UBE2E2: variants seen among roughly 807,000 people sequenced by gnomAD.
UBE2E2 encodes the protein ubiquitin conjugating enzyme E2 E2, also known as ubiquitin-conjugating enzyme E2 E2.
A neutral mutation model predicts 24.7 loss-of-function variants in UBE2E2; 6 were observed. The observed-to-expected ratio is 0.24, with a 90% confidence interval of 0.13 to 0.48. The LOEUF (loss-of-function observed/expected upper bound fraction) is 0.48. UBE2E2 is among the 20% of genes least tolerant of loss of function. UBE2E2 has a pLI of 0.99. For missense variants in UBE2E2, 169 were observed against 245.0 expected (o/e 0.69, Z 2.07); for synonymous variants, 104 against 83.6 (o/e 1.24, Z -1.33).
intron 5 of UBE2E2, among the ~76,000 whole-genome samples, chr3:23,562,943 A>G (rs1238211634): frequency 6.6e-6 from 1 of 151,994 alleles, no homozygotes; most frequent in African/African-American, 2.4e-5. Flanking sequence ...TATTGTGTCT[A>G]TTTGATTCTT....
chr3:23,236,330 A>G (rs1371702225), intron 3 of UBE2E2, among the ~76,000 whole-genome samples: 1 of 152,116 alleles, frequency 6.6e-6, no homozygotes, highest in Non-Finnish European at 1.5e-5. Flanking sequence ...TTCTTCAGTA[A>G]TTTTGCAAGA....
intron 3 of UBE2E2, among the ~76,000 whole-genome samples, chr3:23,329,392 G>T (rs1383202457): frequency 6.6e-6 from 1 of 152,178 alleles, no homozygotes; most frequent in East Asian, 1.9e-4. Context: ...TCTGGAAACA[G>T]TTAAAAGTAA....
At chr3:23,386,041 T>A (rs537327327) in intron 3 of UBE2E2, among the ~76,000 whole-genome samples, 6 of 152,188 alleles carry the variant, frequency 3.9e-5, no homozygotes, top group Non-Finnish European at 8.8e-5. Flanking sequence ...CATTTATTAG[T>A]GTGGATCATG....
intron 3 of UBE2E2, among the ~76,000 whole-genome samples, chr3:23,390,622 G>C (rs1182557942): frequency 2.0e-5 from 3 of 152,224 alleles, no homozygotes; most frequent in Non-Finnish European, 4.4e-5. Context: ...GTTAACAGCT[G>C]TCTGCAGATG....
chr3:23,394,220 T>C (rs1697021277), intron 3 of UBE2E2, among the ~76,000 whole-genome samples: 1 of 152,210 alleles, frequency 6.6e-6, no homozygotes, highest in Admixed American at 6.5e-5. Flanking sequence ...AGATAGTAAT[T>C]TACCTGGTTC....
rs761293140 is a variant in UBE2E2, at chr3:23,589,372, G to A, written c.509-362G>A. Among the ~76,000 whole-genome samples, 8 of 151,806 alleles carry A rather than the reference G, an allele frequency of 5.3e-5. No homozygotes were observed. Among genetic ancestry groups the A allele is most frequent in the Admixed American group, 2.0e-4 (3 of 15,254 alleles). On this transcript the variant is annotated intron_variant, in intron 5 of 5. Coordinates refer to ENST00000396703, the MANE Select transcript of UBE2E2 (RefSeq NM_152653.4). The surrounding 1 kb of genome is among the most constrained non-coding windows in gnomAD (Gnocchi z 4.1). ...CAGGAGGTCAAGGCTACACTGAGCTGTGATCATGCCACTGCACTCTAGCCT... is the reference window on the plus strand; with the variant it reads ...CAGGAGGTCAAGGCTACACTGAGCTATGATCATGCCACTGCACTCTAGCCT...
chr3:23,488,937 G>A (rs1575662912), intron 3 of UBE2E2, among the ~76,000 whole-genome samples: 1 of 152,178 alleles, frequency 6.6e-6, no homozygotes, highest in Non-Finnish European at 1.5e-5. Context: ...ACATGCCCAG[G>A]ATGAAAAGGT....
intron 5 of UBE2E2, among the ~76,000 whole-genome samples, chr3:23,567,192 G>A (rs1696095802): frequency 6.6e-6 from 1 of 152,180 alleles, no homozygotes; most frequent in Non-Finnish European, 1.5e-5. Flanking sequence ...TGCTTCCCGT[G>A]ATGTGTTAGG....
rs202015038 is a variant in UBE2E2, at chr3:23,255,079, CTTTTTTTTTTTT to C, written c.227+37781_227+37792del. ...TGAGATCAGTTTAAGGAGTAACTTC[CTTTTTTTTTTTT>C]TTTTTTTTTTTTTGAGACAGGGCCT... On this transcript the variant is annotated intron_variant, in intron 3 of 5. Transcript: ENST00000396703. Among the ~76,000 whole-genome samples the C allele has an allele frequency of 2.0e-4, 17 of 85,944 alleles. No homozygotes were observed. In the East Asian group the frequency reaches 3.6e-3, roughly 18 times the overall value. 56.4% of individuals were successfully genotyped at this position (85,944 alleles called of 152,430 possible). A position where few individuals can be genotyped will look rare whatever the true frequency, so the allele number is the denominator to read the frequency against.
In UBE2E2 at chr3:23,478,879, AAT is replaced by A. The variant is rs564828153; in HGVS notation, c.228-20712_228-20711del. Among the ~76,000 whole-genome samples the A allele has an allele frequency of 5.2e-3, 625 of 120,328 alleles. 4 individuals are homozygous for A. The highest frequency in any genetic ancestry group is 0.019 in the East Asian group (76 of 4,078). 78.9% of individuals were successfully genotyped at this position (120,328 alleles called of 152,430 possible). Reference sequence around the variant, plus strand: ...AAAATAGGGAAAGCCCATCTGTACAAATATATATATATATATATTTTTTTTTT... The same window carrying A: ...AAAATAGGGAAAGCCCATCTGTACAAATATATATATATATATTTTTTTTTT... On this transcript the variant is annotated intron_variant, in intron 3 of 5. Coordinates refer to ENST00000396703, the MANE Select transcript of UBE2E2 (RefSeq NM_152653.4).
Position 23,365,505 on chromosome 3 carries a change from A to G in UBE2E2, c.228-134103A>G, listed in dbSNP as rs549188163. 4.3e-4 allele frequency among the ~76,000 whole-genome samples: 65 copies of G among 152,294 alleles called. 3 individuals carry two copies. The South Asian group carries it at 0.013, about 31-fold the overall frequency. ...AGCTGAGAGCCAAATCAAGAACACA[A>G]TCGCATTCACAATAGCTACAAAAAG... On this transcript the variant is annotated intron_variant, in intron 3 of 5. Transcript: ENST00000396703.
chr3:23,545,028 C>G (rs1470500442), intron 5 of UBE2E2, among the ~76,000 whole-genome samples: 2 of 152,212 alleles, frequency 1.3e-5, no homozygotes, highest in African/African-American at 2.4e-5. Context: ...TATTGCTGCC[C>G]GCATGTCCCA....
chr3:23,529,810 G>A (rs1303289526), intron 4 of UBE2E2, among the ~76,000 whole-genome samples: 1 of 152,110 alleles, frequency 6.6e-6, no homozygotes, highest in South Asian at 2.1e-4. Context: ...ATTAACTTAG[G>A]CTAGTGTCTT....
chr3:23,504,559 C>A lies in UBE2E2; in HGVS notation c.360+4819C>A, dbSNP rs547523799. On this transcript the variant is annotated intron_variant, in intron 4 of 5. Coordinates refer to ENST00000396703, the MANE Select transcript of UBE2E2 (RefSeq NM_152653.4). ...TATCAGTTTACATCGTGACCATCAA[C>A]ATGACAGTGTAGAACTTCCCTACAC... Among the ~76,000 whole-genome samples the A allele has an allele frequency of 2.6e-5, 4 of 152,258 alleles. No individual in the cohort carries two copies. In the South Asian group the frequency reaches 6.2e-4, roughly 24 times the overall value.
intron 3 of UBE2E2, among the ~76,000 whole-genome samples, chr3:23,477,577 G>A (rs764429154): frequency 2.6e-5 from 4 of 152,348 alleles, no homozygotes; most frequent in Admixed American, 2.0e-4. Flanking sequence ...CCAACATATA[G>A]AGGGATCTTA....
intron 3 of UBE2E2, among the ~76,000 whole-genome samples, chr3:23,246,236 T>TTTTTTTTTTTTTTTTTG (rs1425260100): frequency 7.0e-6 from 1 of 143,434 alleles, no homozygotes; most frequent in African/African-American, 2.6e-5. Context: ...TTTTTTTTTT[T>TTTTTTTTTTTTTTTTTG]TCGAGATGGA....
intron 3 of UBE2E2, among the ~76,000 whole-genome samples, chr3:23,298,238 G>A (rs1698969016): frequency 6.6e-6 from 1 of 152,164 alleles, no homozygotes; most frequent in Non-Finnish European, 1.5e-5. Flanking sequence ...TGCAAACAGG[G>A]ACAATTTGAC....
At chr3:23,270,821 T>C (rs1698220840) in intron 3 of UBE2E2, 1 of 435,520 alleles carries the variant, frequency 2.3e-6, no homozygotes, top group Non-Finnish European at 4.6e-6. Flanking sequence ...TAACACACTC[T>C]CTTAGGTGTG....
intron 3 of UBE2E2, among the ~76,000 whole-genome samples, chr3:23,405,760 AT>A (rs1697341953): frequency 1.3e-5 from 2 of 152,170 alleles, no homozygotes; most frequent in African/African-American, 2.4e-5. Context: ...TTTAACCTTT[AT>A]TTATGGATAA....
Sources: gnomAD v4.1 joint callset for allele counts (sites outside exome capture counted in the v4.1 genomes callset) on GRCh38, gnomAD v4.1.1 for gene constraint, Gnocchi (gnomAD v3.1) non-coding constraint, MANE v1.5 for transcripts, NCBI Gene and HGNC (gene_info 2026-07-23, HGNC 2026-07-21) for gene names.